TENM3: variants seen among roughly 807,000 people sequenced by gnomAD.
TENM3 encodes teneurin-3.
Under a neutral mutation model 255.1 loss-of-function variants are expected in TENM3, and 63 were observed. The observed-to-expected ratio is 0.25, with a 90% CI of 0.20 to 0.30. The LOEUF is 0.30. TENM3 is among the 10% of genes least tolerant of loss of function. The pLI is 1.00. For synonymous variants in TENM3, 1,306 were observed against 1,322.3 expected (o/e 0.99, Z 0.27); for missense variants, 2,929 against 3,461.1 (o/e 0.85, Z 3.86).
chr4:182,291,959 T>C (rs1761159780), intron 1 of TENM3, among the ~76,000 whole-genome samples: 1 of 152,168 alleles, frequency 6.6e-6, no homozygotes, highest in South Asian at 2.1e-4. Flanking sequence ...ATGGTTTTCT[T>C]TGTAATCTTA....
In TENM3 at chr4:182,161,370, C is replaced by T. The variant is rs1186994252; in HGVS notation, c.-76+16616C>T. On this transcript the variant is annotated intron_variant, in intron 1 of 2. Coordinates refer to the TENM3 transcript ENST00000512480. Reference sequence around the variant, plus strand: ...GGCGAAGCTTGCAGTGAGCCGAGATCGCGCCACTGCACTCCAGCCTGGGCG... The same window carrying T: ...GGCGAAGCTTGCAGTGAGCCGAGATTGCGCCACTGCACTCCAGCCTGGGCG... Among the ~76,000 whole-genome samples the T allele has an allele frequency of 3.4e-5, 4 of 116,088 alleles. 1 individual carries two copies. Among genetic ancestry groups the T allele is most frequent in the Admixed American group, 1.0e-4 (1 of 9,928 alleles). The allele number at this position is 116,088 out of a possible 152,430, so 76.2% of individuals were successfully genotyped here.
intron 12 of TENM3, among the ~76,000 whole-genome samples, chr4:182,702,010 C>CA (rs1757913426): frequency 6.6e-6 from 1 of 152,138 alleles, no homozygotes; most frequent in Admixed American, 6.5e-5. Flanking sequence ...ACTGTAAATA[C>CA]ATGACTTGTA....
At chr4:182,117,016 T>C in the TENM3 span, among the ~76,000 whole-genome samples, 2 of 152,236 alleles carry the variant, frequency 1.3e-5, no homozygotes, top group African/African-American at 4.8e-5. Flanking sequence ...CTCATTGTTT[T>C]AACTTGCATT....
At chr4:181,932,313 A>G in the TENM3 span, among the ~76,000 whole-genome samples, 4 of 152,178 alleles carry the variant, frequency 2.6e-5, no homozygotes, top group Non-Finnish European at 4.4e-5. Flanking sequence ...AACTTAAACA[A>G]TTTTACAAGA....
chr4:182,461,336 G>A (rs1329059091), intron 3 of TENM3, among the ~76,000 whole-genome samples: 1 of 152,192 alleles, frequency 6.6e-6, no homozygotes, highest in Non-Finnish European at 1.5e-5. Flanking sequence ...AGAGGCACAT[G>A]AGCAAGTTTT....
the TENM3 span, among the ~76,000 whole-genome samples, chr4:181,863,466 T>C: frequency 6.6e-6 from 1 of 152,170 alleles, no homozygotes; most frequent in Admixed American, 6.5e-5. Flanking sequence ...GAAAATGCAT[T>C]TCTAGTAATG....
At chr4:182,030,000 C>CTTTTTTTTTTTTTTTT in the TENM3 span, among the ~76,000 whole-genome samples, 2 of 83,448 alleles carry the variant, frequency 2.4e-5, 1 homozygote, top group Non-Finnish European at 4.4e-5. Flanking sequence ...CATCTCTCTC[C>CTTTTTTTTTTTTTTTT]TTTTTTTCTT....
At chr4:182,314,907 T>G (rs1022328317) in intron 1 of TENM3, among the ~76,000 whole-genome samples, 5 of 152,324 alleles carry the variant, frequency 3.3e-5, no homozygotes, top group Non-Finnish European at 7.3e-5. Context: ...TTTTTAAAAT[T>G]TCTGTTTCCC....
At chr4:182,572,500 A>G (rs1047963693) in intron 3 of TENM3, among the ~76,000 whole-genome samples, 1 of 152,218 alleles carries the variant, frequency 6.6e-6, no homozygotes, top group African/African-American at 2.4e-5. Flanking sequence ...AATTAATAGT[A>G]CATTAAGAAA....
rs991788883 is a variant in TENM3 at position 182,799,686 on chromosome 4, C to T, written c.7435C>T (p.Arg2479Trp). 6 of 1,548,976 alleles carry T rather than the reference C, an allele frequency of 3.9e-6. 1 individual carries two copies. Among genetic ancestry groups the T allele is most frequent in the Non-Finnish European group, 5.2e-6 (6 of 1,146,516 alleles). ...GGCCGAGGTGCAGGTGAGCCGGCGC[C>T]GGGCCGGCGGCGCGCAGTCCTGGCT... ...KMAEVQVSRRRAGGAQSWLWF... is the reference protein window; with the variant it reads ...KMAEVQVSRRWAGGAQSWLWF... Residue 2479 changes from arginine to tryptophan, a missense_variant, in exon 28 of 28, where the codon CGG (arginine) becomes TGG (tryptophan). Transcript: ENST00000511685. This position sits in a 1 kb window ranked among gnomAD's most constrained non-coding sequence, Gnocchi z 4.2.
the TENM3 span, among the ~76,000 whole-genome samples, chr4:181,728,585 G>A: frequency 2.1e-3 from 314 of 152,270 alleles, 2 homozygotes; most frequent in African/African-American, 7.1e-3. Context: ...CTTTTAGCAT[G>A]CTAATGCATT....
chr4:182,406,350 G>C lies in TENM3; in HGVS notation c.511+59421G>C, dbSNP rs181749585. 3.3e-5 allele frequency among the ~76,000 whole-genome samples: 5 copies of C among 152,172 alleles called. No homozygotes were observed. In the East Asian group the frequency reaches 9.7e-4, roughly 29 times the overall value. ...AATAAAAAATAAGGCTTTTGCAGAA[G>C]CCTGGGCATGCATTAACAGGAGCTA... On this transcript the variant is annotated intron_variant, in intron 3 of 27. Coordinates refer to ENST00000511685, the MANE Select transcript of TENM3 (RefSeq NM_001080477.4).
At chr4:181,917,062 C>A in the TENM3 span, among the ~76,000 whole-genome samples, 1 of 152,146 alleles carries the variant, frequency 6.6e-6, no homozygotes, top group Non-Finnish European at 1.5e-5. Context: ...TTCCTTTTAT[C>A]CTATGCATTC....
At chr4:182,175,971 C>G (rs1343984008) in intron 1 of TENM3, among the ~76,000 whole-genome samples, 1 of 151,152 alleles carries the variant, frequency 6.6e-6, no homozygotes, top group Non-Finnish European at 1.5e-5. Context: ...TTTAGTGTTG[C>G]AGGTGGATGA....
the TENM3 span, among the ~76,000 whole-genome samples, chr4:181,602,652 A>G: frequency 6.6e-6 from 1 of 152,210 alleles, no homozygotes; most frequent in Admixed American, 6.5e-5. Flanking sequence ...AGGGAAAAAG[A>G]GGTGGCAGAA....
intron 3 of TENM3, among the ~76,000 whole-genome samples, chr4:182,592,386 A>G (rs550617788): frequency 5.3e-5 from 8 of 152,308 alleles, no homozygotes; most frequent in East Asian, 1.9e-4. Context: ...TTGTCCTTGT[A>G]CACTTGGAAG....
chr4:181,788,622 G>C, the TENM3 span, among the ~76,000 whole-genome samples: 1 of 152,108 alleles, frequency 6.6e-6, no homozygotes, highest in Admixed American at 6.5e-5. Flanking sequence ...TTTAGAGACA[G>C]GGTCTCGCTC....
At chr4:182,092,194 A>T in the TENM3 span, among the ~76,000 whole-genome samples, 9 of 152,216 alleles carry the variant, frequency 5.9e-5, 1 homozygote, top group South Asian at 2.1e-4. Context: ...TACAAAAATT[A>T]GCCAGGCATG....
chr4:182,310,819 G>A (rs1410256989), intron 1 of TENM3, among the ~76,000 whole-genome samples: 1 of 152,168 alleles, frequency 6.6e-6, no homozygotes, highest in Non-Finnish European at 1.5e-5. Context: ...CGATTCTCCT[G>A]CCTCAGCCTC....
Sources: gnomAD v4.1 joint callset for allele counts (sites outside exome capture counted in the v4.1 genomes callset) on GRCh38, gnomAD v4.1.1 for gene constraint, Gnocchi (gnomAD v3.1) non-coding constraint, MANE v1.5 for transcripts, NCBI Gene and HGNC (gene_info 2026-07-23, HGNC 2026-07-21) for gene names.